The following PITPNA variants were observed in gnomAD, a reference collection of about 807,000 sequenced individuals.
PITPNA encodes the protein phosphatidylinositol transfer protein alpha isoform.
In PITPNA, 13 loss-of-function variants were observed where a neutral mutation model predicts 50.3. That is an observed-to-expected ratio of 0.26 (90% CI 0.17 to 0.41). The LOEUF (loss-of-function observed/expected upper bound fraction) is 0.41. PITPNA is among the 10% of genes least tolerant of loss of function. The probability of loss-of-function intolerance (pLI) is 1.00; values close to 1 mark genes in which losing one functional copy is unlikely to be tolerated. For missense variants in PITPNA, 207 were observed against 333.4 expected (o/e 0.62, Z 2.95); for synonymous variants, 120 against 119.6 (o/e 1.00, Z -0.02).
In PITPNA at chr17:1,518,258, C is replaced by T. The variant is rs2150999262; in HGVS notation, c.*2303G>A. 1 of 152,614 alleles carries T rather than the reference C, an allele frequency of 6.6e-6. No individual in the cohort carries two copies. Among genetic ancestry groups the T allele is most frequent in the Non-Finnish European group, 1.5e-5 (1 of 68,044 alleles). The allele number at this position is 152,614 out of a possible 1,614,324, so 9.5% of individuals were successfully genotyped here. On this transcript the variant is annotated 3_prime_UTR_variant, in exon 12 of 12. Transcript: ENST00000313486. The stretch of plus-strand genomic sequence containing the variant: ...TGCATGAGAAGGCCAGAGCCCAGCA[C>T]CCCTCCTACAGAGGCACTGCTGCTT...
At chr17:1,541,539 C>CTGG in intron 6 of PITPNA, 27 bp downstream of exon 6, 1 of 1,565,738 alleles carries the variant, frequency 6.4e-7, no homozygotes, top group Non-Finnish European at 8.8e-7. Context: ...GACCTCACCC[C>CTGG]TGGGGCTTTT....
intron 10 of PITPNA, among the ~76,000 whole-genome samples, chr17:1,527,717 T>TA (rs1469104908): frequency 3.3e-5 from 5 of 152,212 alleles, no homozygotes; most frequent in Admixed American, 1.3e-4. Context: ...ACCTTTGATC[T>TA]AAAAAAATAG....
intron 10 of PITPNA, among the ~76,000 whole-genome samples, chr17:1,531,425 G>T (rs768272754): frequency 2.7e-4 from 41 of 152,192 alleles, no homozygotes; most frequent in Non-Finnish European, 5.3e-4. Context: ...AGCTACTGGG[G>T]AGGCTGAGGC....
intron 3 of PITPNA, among the ~76,000 whole-genome samples, chr17:1,552,467 T>G (rs1346320918): frequency 6.6e-6 from 1 of 152,184 alleles, no homozygotes; most frequent in Non-Finnish European, 1.5e-5. Context: ...CAGTTCAAGC[T>G]TCATTTAAAA....
chr17:1,562,689 G>T lies in PITPNA; in HGVS notation c.-129C>A. ...CTTCGTCGTGCTCTGCTCCGTCCCC[G>T]CCGCCCTCGCCGCGGTCGCCGCGCC... On this transcript the variant is annotated 5_prime_UTR_variant, in exon 1 of 12. Coordinates refer to ENST00000313486, the MANE Select transcript of PITPNA (RefSeq NM_006224.4). This position sits in a 1 kb window ranked among gnomAD's most constrained non-coding sequence, Gnocchi z 6.4. 1 of 533,366 alleles carries T rather than the reference G, an allele frequency of 1.9e-6. No individual in the cohort carries two copies. The highest frequency in any genetic ancestry group is 2.5e-6 in the Non-Finnish European group (1 of 402,418). The allele number at this position is 533,366 out of a possible 1,614,324, so 33.0% of individuals were successfully genotyped here.
At chr17:1,537,715 G>C (rs929352740) in intron 7 of PITPNA, among the ~76,000 whole-genome samples, 8 of 152,122 alleles carry the variant, frequency 5.3e-5, no homozygotes, top group African/African-American at 1.4e-4. Context: ...ATCCACCAAC[G>C]TTTTGAAGGT....
intron 1 of PITPNA, among the ~76,000 whole-genome samples, chr17:1,561,960 G>C (rs1667124067): frequency 6.6e-6 from 1 of 151,978 alleles, no homozygotes; most frequent in African/African-American, 2.4e-5. Context: ...GCCCCGGTGC[G>C]CCTCTTCCTC....
rs2075771837 is a variant in PITPNA, at chr17:1,562,189, G to A, written c.20+352C>T. ...CCACTTGGGCCTCCGAGGCCCCCGG[G>A]GCGCCTGAGGAGCCGTCCGCCCGGG... On this transcript the variant is annotated intron_variant, in intron 1 of 11. Transcript: ENST00000313486. The surrounding 1 kb of genome is among the most constrained non-coding windows in gnomAD (Gnocchi z 6.4). Among the ~76,000 whole-genome samples the A allele has an allele frequency of 6.6e-6, 1 of 152,080 alleles. No individual in the cohort carries two copies. The highest frequency in any genetic ancestry group is 1.5e-5 in the Non-Finnish European group (1 of 68,000).
At chr17:1,553,777 G>A (rs909403252) in intron 2 of PITPNA, among the ~76,000 whole-genome samples, 2 of 152,136 alleles carry the variant, frequency 1.3e-5, no homozygotes, top group Non-Finnish European at 2.9e-5. Flanking sequence ...AACCTCTATC[G>A]TAAAACTGGC....
At position 1,550,646 on chromosome 17, in the gene PITPNA, A is replaced by G. The variant is rs772470318; in HGVS notation, c.198-2259T>C. Among the ~76,000 whole-genome samples, 224 of 152,114 alleles carry G rather than the reference A, an allele frequency of 1.5e-3. 1 individual carries two copies. Among genetic ancestry groups the G allele is most frequent in the Non-Finnish European group, 2.8e-3 (191 of 67,998 alleles). The stretch of plus-strand genomic sequence containing the variant: ...TGGGCTCAGGTGATCCTCCCACCTC[A>G]GCCTCCCAAGTAGCTGGGACTACAG... On this transcript the variant is annotated intron_variant, in intron 3 of 11. Coordinates refer to ENST00000313486, the MANE Select transcript of PITPNA (RefSeq NM_006224.4).
Position 1,562,208 on chromosome 17 carries a change from G to A in PITPNA, c.20+333C>T, listed in dbSNP as rs76796815. ...CCCCGGGGCGCCTGAGGAGCCGTCCGCCCGGGTTGTCCCTCCGTGCCCGTG... is the reference window on the plus strand; with the variant it reads ...CCCCGGGGCGCCTGAGGAGCCGTCCACCCGGGTTGTCCCTCCGTGCCCGTG... On this transcript the variant is annotated intron_variant, in intron 1 of 11. Transcript: ENST00000313486. The surrounding 1 kb of genome is among the most constrained non-coding windows in gnomAD (Gnocchi z 6.4). Among the ~76,000 whole-genome samples, 7,921 of 152,078 alleles carry A rather than the reference G, an allele frequency of 0.052. 657 individuals carry two copies. Among genetic ancestry groups the A allele is most frequent in the African/African-American group, 0.18 (7,258 of 41,464 alleles).
Position 1,549,657 on chromosome 17 carries a change from T to C in PITPNA, c.198-1270A>G, listed in dbSNP as rs556610404. On this transcript the variant is annotated intron_variant, in intron 3 of 11. Transcript: ENST00000313486. ...AAAATTAAAATGAAAATGGTACATATATTCCTTTTCCTTTTTTTTGTTTGT... is the reference window on the plus strand; with the variant it reads ...AAAATTAAAATGAAAATGGTACATACATTCCTTTTCCTTTTTTTTGTTTGT... Among the ~76,000 whole-genome samples, 3 of 143,446 alleles carry C rather than the reference T, an allele frequency of 2.1e-5. 1 individual carries two copies. The highest frequency in any genetic ancestry group is 7.9e-5 in the African/African-American group (3 of 37,866). 94.1% of individuals were successfully genotyped at this position (143,446 alleles called of 152,430 possible). A position where few individuals can be genotyped will look rare whatever the true frequency, so the allele number is the denominator to read the frequency against.
chr17:1,558,975 C>G (rs1439732549), intron 1 of PITPNA, among the ~76,000 whole-genome samples: 3 of 152,138 alleles, frequency 2.0e-5, no homozygotes, highest in Admixed American at 6.5e-5. Context: ...AGTCGTCCCC[C>G]CAACAAGACT....
At chr17:1,552,449 A>G (rs994424990) in intron 3 of PITPNA, among the ~76,000 whole-genome samples, 1 of 152,200 alleles carries the variant, frequency 6.6e-6, no homozygotes, top group Admixed American at 6.5e-5. Flanking sequence ...GGATTCCAGT[A>G]CACAAATCAG....
chr17:1,560,057 A>C (rs561355757), intron 1 of PITPNA, among the ~76,000 whole-genome samples: 1 of 152,342 alleles, frequency 6.6e-6, no homozygotes, highest in African/African-American at 2.4e-5. Flanking sequence ...AAATCAAATT[A>C]AACAGAATCC....
intron 3 of PITPNA, among the ~76,000 whole-genome samples, chr17:1,550,581 G>A (rs951010836): frequency 5.9e-5 from 9 of 151,978 alleles, no homozygotes; most frequent in African/African-American, 1.9e-4. Flanking sequence ...AGGCTGGAGT[G>A]CAGTGGTGTG....
intron 1 of PITPNA, among the ~76,000 whole-genome samples, chr17:1,561,738 C>T (rs1200620971): frequency 2.0e-5 from 3 of 152,158 alleles, no homozygotes; most frequent in African/African-American, 7.2e-5. Flanking sequence ...CTCTGCATGT[C>T]CTCAGACCCT....
intron 2 of PITPNA, among the ~76,000 whole-genome samples, chr17:1,556,871 G>A (rs2075737434): frequency 6.6e-6 from 1 of 152,254 alleles, no homozygotes; most frequent in East Asian, 1.9e-4. Context: ...GGGAGGCTGA[G>A]GCAGGAGGAC....
chr17:1,554,079 G>A (rs1480511179), intron 2 of PITPNA, among the ~76,000 whole-genome samples: 1 of 152,116 alleles, frequency 6.6e-6, no homozygotes, highest in African/African-American at 2.4e-5. Flanking sequence ...TGTCAGGATG[G>A]GCCAATGACC....
Sources: allele counts gnomAD v4.1 joint callset (sites outside exome capture counted in the v4.1 genomes callset), GRCh38; gene constraint gnomAD v4.1.1; non-coding constraint Gnocchi (gnomAD v3.1); transcripts MANE v1.5; gene names NCBI Gene and HGNC (gene_info 2026-07-23, HGNC 2026-07-21).